The following NTRK3 variants were observed in gnomAD, a reference collection of about 807,000 sequenced individuals.
The protein encoded by NTRK3 is neurotrophic receptor tyrosine kinase 3.
In NTRK3, 24 loss-of-function variants were observed where a neutral mutation model predicts 91.7. The ratio of observed to expected loss-of-function variants is 0.26; its 90% CI spans 0.19 to 0.37. The LOEUF (loss-of-function observed/expected upper bound fraction) is 0.37. Ranked by LOEUF, NTRK3 falls within the 10% of genes least tolerant of loss-of-function variation. The pLI is 1.00. For missense variants in NTRK3, 880 were observed against 1,068.9 expected, an observed-to-expected ratio of 0.82 and a Z score of 2.46; for synonymous variants, 483 against 404.0, an observed-to-expected ratio of 1.20 and a Z score of -2.34.
chr15:87,998,483 G>C (rs531930913), intron 14 of NTRK3, among the ~76,000 whole-genome samples: 160 of 152,370 alleles, frequency 1.1e-3, no homozygotes, highest in African/African-American at 3.8e-3. Context: ...TACAGTGGCT[G>C]TTGTAGAGCT....
chr15:88,208,874 G>A (rs938409727), intron 3 of NTRK3, among the ~76,000 whole-genome samples: 3 of 61,382 alleles, frequency 4.9e-5, no homozygotes, highest in Non-Finnish European at 7.4e-5. Flanking sequence ...ATTTTTTAAA[G>A]GTTCCTTAGG....
chr15:88,194,806 C>T (rs998068728), intron 3 of NTRK3, among the ~76,000 whole-genome samples: 2 of 152,222 alleles, frequency 1.3e-5, no homozygotes, highest in Admixed American at 6.5e-5. Flanking sequence ...GTAACATATG[C>T]CATTCCCTCC....
intron 6 of NTRK3, among the ~76,000 whole-genome samples, chr15:88,139,992 G>A (rs1328334956): frequency 6.6e-6 from 1 of 152,162 alleles, no homozygotes; most frequent in Non-Finnish European, 1.5e-5. Context: ...TGTAGGTGAG[G>A]TGTGAAAACA....
intron 13 of NTRK3, among the ~76,000 whole-genome samples, chr15:88,083,891 G>T (rs1462676514): frequency 7.2e-5 from 11 of 152,018 alleles, no homozygotes; most frequent in Non-Finnish European, 2.9e-5. Context: ...AGGGGTGTAA[G>T]GCTTCTCCAG....
At chr15:87,941,402 C>G (rs2142027006) in intron 14 of NTRK3, among the ~76,000 whole-genome samples, 1 of 152,166 alleles carries the variant, frequency 6.6e-6, no homozygotes, top group East Asian at 1.9e-4. Flanking sequence ...ATATAAAGAG[C>G]TTGGCCCAGT....
intron 13 of NTRK3, among the ~76,000 whole-genome samples, chr15:88,059,048 A>AC (rs1491279472): frequency 5.8e-5 from 8 of 138,638 alleles, no homozygotes; most frequent in South Asian, 2.3e-4. Flanking sequence ...ACTCACACAC[A>AC]AACACACACA....
intron 13 of NTRK3, among the ~76,000 whole-genome samples, chr15:88,124,337 C>T (rs988976811): frequency 1.3e-5 from 2 of 152,210 alleles, no homozygotes; most frequent in Admixed American, 6.5e-5. Context: ...CTGGGAGAAG[C>T]TCTGAGGACA....
chr15:88,052,242 A>G (rs2080900351), intron 13 of NTRK3, among the ~76,000 whole-genome samples: 1 of 152,208 alleles, frequency 6.6e-6, no homozygotes, highest in Non-Finnish European at 1.5e-5. Flanking sequence ...CAACACAGGG[A>G]TCCATCACCC....
At chr15:87,883,395 A>G (rs1239428863) in intron 17 of NTRK3, among the ~76,000 whole-genome samples, 1 of 148,644 alleles carries the variant, frequency 6.7e-6, no homozygotes, top group East Asian at 1.9e-4. Context: ...ATATATATGT[A>G]TATGTGTGTG....
intron 13 of NTRK3, among the ~76,000 whole-genome samples, chr15:88,063,716 C>T (rs925457699): frequency 7.9e-5 from 12 of 152,164 alleles, no homozygotes; most frequent in Admixed American, 2.0e-4. Flanking sequence ...TGCCTGGCAC[C>T]GTTTCCATCT....
intron 17 of NTRK3, among the ~76,000 whole-genome samples, chr15:87,889,567 G>A (rs974726994): frequency 6.6e-6 from 1 of 151,904 alleles, no homozygotes; most frequent in Non-Finnish European, 1.5e-5. Flanking sequence ...ACCATGACTG[G>A]CTCATTAGTT....
At chr15:88,064,042 A>G (rs2046439346) in intron 13 of NTRK3, among the ~76,000 whole-genome samples, 1 of 152,202 alleles carries the variant, frequency 6.6e-6, no homozygotes, top group Non-Finnish European at 1.5e-5. Flanking sequence ...CAGGCCCTAA[A>G]GCCAACAACA....
intron 3 of NTRK3, among the ~76,000 whole-genome samples, chr15:88,204,270 G>T (rs146271421): frequency 6.6e-6 from 1 of 152,060 alleles, no homozygotes; most frequent in African/African-American, 2.4e-5. Context: ...ACCTGCTCTC[G>T]CCAGTCTTGG....
intron 3 of NTRK3, among the ~76,000 whole-genome samples, chr15:88,254,018 C>T (rs1052078032): frequency 4.6e-5 from 7 of 152,194 alleles, no homozygotes; most frequent in Admixed American, 2.0e-4. Context: ...TGGCTTTCTA[C>T]AGACAGACAC....
At chr15:88,048,055 G>A (rs1361824008) in intron 13 of NTRK3, among the ~76,000 whole-genome samples, 1 of 152,124 alleles carries the variant, frequency 6.6e-6, no homozygotes, top group Non-Finnish European at 1.5e-5. Context: ...TATCCATATA[G>A]GACATTGTCC....
chr15:88,046,900 C>T (rs2080258556), intron 13 of NTRK3, among the ~76,000 whole-genome samples: 2 of 152,140 alleles, frequency 1.3e-5, no homozygotes. Flanking sequence ...AAATGCAACA[C>T]CAAAATCAAT....
intron 5 of NTRK3, among the ~76,000 whole-genome samples, chr15:88,154,697 T>C (rs761159049): frequency 7.9e-5 from 12 of 152,230 alleles, no homozygotes; most frequent in Non-Finnish European, 2.9e-5. Flanking sequence ...CAGCCTGTTA[T>C]GGGCTCTACC....
chr15:88,032,607 T>C (rs1017340001), intron 14 of NTRK3, among the ~76,000 whole-genome samples: 11 of 152,248 alleles, frequency 7.2e-5, no homozygotes, highest in African/African-American at 2.6e-4. Flanking sequence ...AGGGTCCTGC[T>C]GAGCCCAGGT....
chr15:88,096,663 A>C (rs1426869985), intron 13 of NTRK3, among the ~76,000 whole-genome samples: 1 of 152,144 alleles, frequency 6.6e-6, no homozygotes, highest in Non-Finnish European at 1.5e-5. Context: ...ACAACCCATA[A>C]CTAATTAATG....
Sources: gnomAD v4.1 joint callset for allele counts (sites outside exome capture counted in the v4.1 genomes callset) on GRCh38, gnomAD v4.1.1 for gene constraint, MANE v1.5 for transcripts, NCBI Gene and HGNC (gene_info 2026-07-23, HGNC 2026-07-21) for gene names.